Variants in DCAF16 observed in about 807,000 individuals in gnomAD.
DCAF16 encodes DDB1- and CUL4-associated factor 16.
DCAF16 carries 10 observed loss-of-function variants against 17.3 expected under a neutral mutation model. The ratio of observed to expected loss-of-function variants is 0.58; its 90% CI spans 0.36 to 0.98. The LOEUF (loss-of-function observed/expected upper bound fraction) is 0.98. Ranked by LOEUF, DCAF16 falls within the 50% of genes least tolerant of loss-of-function variation. The probability of loss-of-function intolerance (pLI) is 0.01; values close to 1 mark genes in which losing one functional copy is unlikely to be tolerated. For synonymous variants in DCAF16, 111 were observed against 92.8 expected, an observed-to-expected ratio of 1.20 and a Z score of -1.12; for missense variants, 249 against 247.6, an observed-to-expected ratio of 1.01 and a Z score of -0.04.
chr4:17,798,606 A>T (rs143727432), downstream of DCAF16, among the ~76,000 whole-genome samples: 385 of 152,088 alleles, frequency 2.5e-3, 1 homozygote, highest in African/African-American at 8.0e-3. Flanking sequence ...AAAAATAAAA[A>T]AATAATAATA....
intron 1 of DCAF16, among the ~76,000 whole-genome samples, chr4:17,805,520 C>A (rs1720245794): frequency 6.6e-6 from 1 of 152,088 alleles, no homozygotes; most frequent in Non-Finnish European, 1.5e-5. Flanking sequence ...TTTGTTAGTT[C>A]CTGACCACCA....
downstream of DCAF16, among the ~76,000 whole-genome samples, chr4:17,797,874 G>T (rs945720125): frequency 6.6e-6 from 1 of 152,186 alleles, no homozygotes; most frequent in Admixed American, 6.5e-5. Context: ...AGGTGCCACA[G>T]CTGATACCAT....
chr4:17,803,415 T>A lies in DCAF16; in HGVS notation c.*76A>T, dbSNP rs1195187015. ...GAGAGTTTGACTGAGAAGGCATTAG[T>A]GGGCTGTGTAATGACTAACTTTGTA... On this transcript the variant is annotated 3_prime_UTR_variant, in exon 3 of 3. Coordinates refer to ENST00000382247, the MANE Select transcript of DCAF16 (RefSeq NM_017741.4). The A allele has an allele frequency of 7.4e-7, 1 of 1,358,490 alleles. No homozygotes were observed. The highest frequency in any genetic ancestry group is 2.3e-5 in the East Asian group (1 of 43,552). The allele number at this position is 1,358,490 out of a possible 1,614,324, so 84.2% of individuals were successfully genotyped here.
chr4:17,795,211 G>A, the DCAF16 span, among the ~76,000 whole-genome samples: 7 of 152,186 alleles, frequency 4.6e-5, no homozygotes, highest in Non-Finnish European at 5.9e-5. Flanking sequence ...TAGTCTTTCC[G>A]CATCCAGTGT....
chr4:17,798,344 A>T (rs1719526286), downstream of DCAF16, among the ~76,000 whole-genome samples: 1 of 134,970 alleles, frequency 7.4e-6, no homozygotes, highest in Non-Finnish European at 1.5e-5. Flanking sequence ...ACCAGGTACC[A>T]GTGTAACACC....
rs752602066 is a variant in DCAF16 at position 17,803,696 on chromosome 4, G to A, written c.446C>T (p.Thr149Ile). 2 of 1,614,082 alleles carry A rather than the reference G, an allele frequency of 1.2e-6. No individual in the cohort carries two copies. The highest frequency in any genetic ancestry group is 1.3e-5 in the African/African-American group (1 of 74,906). Residue 149 changes from threonine (T) to isoleucine (I), a missense_variant, in exon 3 of 3, where the codon ACC becomes ATC. Physicochemically the swap from Thr to Ile is moderately conservative, Grantham distance 89. Coordinates refer to ENST00000382247, the MANE Select transcript of DCAF16 (RefSeq NM_017741.4). ...ATLNGALQFATKQLSRTLSRA... is the reference protein window; with the variant it reads ...ATLNGALQFAIKQLSRTLSRA... ...ACTCAATGTTCGGCTTAGCTGTTTG[G>A]TGGCAAATTGCAGTGCTCCATTTAG...
At chr4:17,793,805 A>T in the DCAF16 span, among the ~76,000 whole-genome samples, 1 of 152,232 alleles carries the variant, frequency 6.6e-6, no homozygotes, top group Non-Finnish European at 1.5e-5. Flanking sequence ...AAAATCAAGT[A>T]CACTTATGAT....
downstream of DCAF16, among the ~76,000 whole-genome samples, chr4:17,796,472 A>T (rs1719433024): frequency 6.6e-6 from 1 of 152,148 alleles, no homozygotes; most frequent in Non-Finnish European, 1.5e-5. Flanking sequence ...GCACTTTGGG[A>T]GGCTCAGGTG....
At chr4:17,809,751 C>T (rs1720698182) in intron 1 of DCAF16, 1 of 152,058 alleles carries the variant, frequency 6.6e-6, no homozygotes, top group Admixed American at 6.5e-5. Flanking sequence ...CAGAGGAGTC[C>T]CACCATGGTC....
At chr4:17,805,340 A>G (rs1223870322) in intron 1 of DCAF16, 115 bp from the exon 2 acceptor site, 1 of 152,174 alleles carries the variant, frequency 6.6e-6, no homozygotes, top group African/African-American at 2.4e-5. Flanking sequence ...GGCTCACTTC[A>G]CTTGCAAAAT....
chr4:17,808,906 T>C (rs996791986), intron 1 of DCAF16, among the ~76,000 whole-genome samples: 31 of 152,138 alleles, frequency 2.0e-4, no homozygotes, highest in Admixed American at 2.0e-4. Flanking sequence ...GGTGCATGCC[T>C]GTAACCCAGC....
intron 1 of DCAF16, among the ~76,000 whole-genome samples, chr4:17,806,759 A>G (rs923170824): frequency 6.6e-6 from 1 of 152,212 alleles, no homozygotes. Context: ...GGGAGTTCCT[A>G]TTCTTCAAGG....
At chr4:17,810,387 A>C (rs1720793526) in intron 1 of DCAF16, 60 bp downstream of exon 1, 1 of 152,300 alleles carries the variant, frequency 6.6e-6, no homozygotes, top group South Asian at 2.1e-4. Flanking sequence ...GGAACCTCGC[A>C]GTCGGCTTCA....
chr4:17,805,007 T>C (rs1720183179), intron 2 of DCAF16, 100 bp downstream of exon 2: 3 of 152,110 alleles, frequency 2.0e-5, no homozygotes, highest in Admixed American at 6.6e-5. Context: ...CCAGTTTGTA[T>C]GCAGTTTTAG....
chr4:17,809,611 G>C (rs1720670676), intron 1 of DCAF16: 1 of 152,182 alleles, frequency 6.6e-6, no homozygotes, highest in Non-Finnish European at 1.5e-5. Flanking sequence ...TCTTCAGCTG[G>C]CAGTAGGTTA....
chr4:17,807,984 T>A (rs749817795), intron 1 of DCAF16, among the ~76,000 whole-genome samples: 1 of 151,968 alleles, frequency 6.6e-6, no homozygotes, highest in African/African-American at 2.4e-5. Flanking sequence ...AATAAAAGAG[T>A]CAGAGAATGG....
In DCAF16 at chr4:17,805,136, AG is replaced by A. The variant is rs1169660637; in HGVS notation, c.-661del. 2 of 127,598 alleles carry A rather than the reference AG, an allele frequency of 1.6e-5. No homozygotes were observed. Among genetic ancestry groups the A allele is most frequent in the Non-Finnish European group, 1.6e-5 (1 of 61,456 alleles). 7.9% of individuals were successfully genotyped at this position (127,598 alleles called of 1,614,324 possible). ...AGAGGTGCTTGTTGGAATTAGTTTT[AG>A]GGGGCCTGTCCTGGTGGTAGAGCTG... On this transcript the variant is annotated 5_prime_UTR_variant, in exon 2 of 3. Transcript: ENST00000382247.
chr4:17,803,602 G>A lies in DCAF16; in HGVS notation c.540C>T (p.Gly180=). Residue 180 remains glycine, a synonymous_variant, in exon 3 of 3, where the codon GGC becomes GGT. Transcript: ENST00000382247. ...PNSCVSGCCC[G]WLTKTVKETT... The stretch of plus-strand genomic sequence containing the variant: ...TTTCCTTAACTGTTTTAGTCAGCCA[G>A]CCACAGCAACACCCAGAAACACATG... 6.2e-7 allele frequency: 1 copy of A among 1,614,234 alleles called. No individual in the cohort carries two copies. The highest frequency in any genetic ancestry group is 1.7e-5 in the Admixed American group (1 of 60,032).
At chr4:17,797,441 A>C (rs146636688), downstream of DCAF16, among the ~76,000 whole-genome samples, 1,003 of 152,354 alleles carry the variant, frequency 6.6e-3, 16 homozygotes, top group African/African-American at 0.023. Flanking sequence ...GTGACAACAC[A>C]GAAAAACTGC....
Sources: allele counts gnomAD v4.1 joint callset (sites outside exome capture counted in the v4.1 genomes callset), GRCh38; gene constraint gnomAD v4.1.1; transcripts MANE v1.5; gene names NCBI Gene and HGNC (gene_info 2026-07-23, HGNC 2026-07-21).